LCP1: variants seen among roughly 807,000 people sequenced by gnomAD.
The protein encoded by LCP1 is plastin-2.
Under a neutral mutation model 72.0 loss-of-function variants are expected in LCP1, and 23 were observed. The observed-to-expected ratio is 0.32, with a 90% CI of 0.23 to 0.45. The LOEUF is 0.45. Ranked by LOEUF, LCP1 falls within the 20% of genes least tolerant of loss-of-function variation. The pLI is 1.00. For missense variants in LCP1, 571 were observed against 748.3 expected (o/e 0.76, Z 2.76); for synonymous variants, 245 against 275.4 (o/e 0.89, Z 1.09).
chr13:46,170,852 G>A lies in LCP1; in HGVS notation c.-24-11166C>T, dbSNP rs181149934. Among the ~76,000 whole-genome samples the A allele has an allele frequency of 2.2e-3, 339 of 152,242 alleles. 1 individual carries two copies. The highest frequency in any genetic ancestry group is 7.1e-3 in the African/African-American group (296 of 41,554). Reference sequence around the variant, plus strand: ...AGAGACACAGTAACTAGAATACAGCGAAACTTTTTAGATCCACAGGAAGAG... The same window carrying A: ...AGAGACACAGTAACTAGAATACAGCAAAACTTTTTAGATCCACAGGAAGAG... On this transcript the variant is annotated intron_variant, in intron 1 of 15. Coordinates refer to ENST00000323076, the MANE Select transcript of LCP1 (RefSeq NM_002298.5).
chr13:46,164,842 T>A (rs2045867573), intron 1 of LCP1, among the ~76,000 whole-genome samples: 1 of 152,178 alleles, frequency 6.6e-6, no homozygotes, highest in African/African-American at 2.4e-5. Context: ...TGAGAAGAAA[T>A]GTTTTATCCA....
intron 1 of LCP1, among the ~76,000 whole-genome samples, chr13:46,163,573 A>G (rs2045858765): frequency 1.3e-5 from 2 of 149,850 alleles, no homozygotes; most frequent in South Asian, 4.2e-4. Context: ...CCTTCCCTCC[A>G]CTATTGTCCT....
At chr13:46,176,992 CT>C (rs1238599173) in intron 1 of LCP1, among the ~76,000 whole-genome samples, 1 of 152,112 alleles carries the variant, frequency 6.6e-6, no homozygotes, top group Non-Finnish European at 1.5e-5. Flanking sequence ...AACCACAGAA[CT>C]GTGGGTTTGC....
chr13:46,136,359 G>C (rs1373777916), intron 13 of LCP1, among the ~76,000 whole-genome samples: 2 of 152,124 alleles, frequency 1.3e-5, no homozygotes, highest in Non-Finnish European at 2.9e-5. Flanking sequence ...GATGGCATTG[G>C]TATCCACCGT....
intron 2 of LCP1, 171 bp from the exon 3 acceptor site, chr13:46,159,160 TA>T: frequency 1.6e-6 from 1 of 619,284 alleles, no homozygotes; most frequent in Non-Finnish European, 2.8e-6. Flanking sequence ...TGCTACTGAA[TA>T]GGGGCACCAG....
At chr13:46,176,833 G>A (rs2045932935) in intron 1 of LCP1, among the ~76,000 whole-genome samples, 1 of 151,954 alleles carries the variant, frequency 6.6e-6, no homozygotes, top group South Asian at 2.1e-4. Flanking sequence ...GAAGGAGTGT[G>A]TGAGTGAGTG....
Position 46,159,556 on chromosome 13 carries a change from T to C in LCP1, c.64+43A>G, listed in dbSNP as rs1252549349. 2.0e-6 allele frequency: 3 copies of C among 1,499,768 alleles called. No homozygotes were observed. The Admixed American group carries it at 5.0e-5, about 25-fold the overall frequency. 92.9% of individuals were successfully genotyped at this position (1,499,768 alleles called of 1,614,324 possible). A position where few individuals can be genotyped will look rare whatever the true frequency, so the allele number is the denominator to read the frequency against. On this transcript the variant is annotated intron_variant, in intron 2 of 15. Transcript: ENST00000323076. The stretch of plus-strand genomic sequence containing the variant: ...TTGAATCTACCCTGAAGCTACTCAG[T>C]GAAGAAGAGAATGATGCAATTTGGG...
chr13:46,155,601 C>G (rs1463562917), intron 5 of LCP1, among the ~76,000 whole-genome samples: 1 of 152,170 alleles, frequency 6.6e-6, no homozygotes, highest in Non-Finnish European at 1.5e-5. Context: ...CATTGTTATC[C>G]TTTAAGTCCT....
intron 2 of LCP1, 40 bp from the exon 3 acceptor site, chr13:46,159,029 A>T (rs763483746): frequency 1.2e-6 from 2 of 1,601,850 alleles, no homozygotes; most frequent in Non-Finnish European, 1.7e-6. Flanking sequence ...AGGACGATTC[A>T]GGCAACAGCT....
chr13:46,140,733 G>T (rs994301377), intron 13 of LCP1, among the ~76,000 whole-genome samples: 3 of 151,936 alleles, frequency 2.0e-5, no homozygotes, highest in African/African-American at 2.4e-5. Context: ...TGTTCAAGAA[G>T]GTAAAGGAAA....
chr13:46,131,646 C>A (rs1166993721), intron 14 of LCP1, among the ~76,000 whole-genome samples: 1 of 152,054 alleles, frequency 6.6e-6, no homozygotes, highest in African/African-American at 2.4e-5. Flanking sequence ...AAATGTGGTA[C>A]ATATACACCA....
At chr13:46,159,797 C>A in intron 1 of LCP1, 111 bp from the exon 2 acceptor site, 1 of 667,624 alleles carries the variant, frequency 1.5e-6, no homozygotes, top group South Asian at 1.8e-5. Context: ...TCTGCATCCC[C>A]CATGATTTAG....
intron 13 of LCP1, 144 bp from the exon 14 acceptor site, chr13:46,134,394 A>G: frequency 1.5e-6 from 1 of 659,884 alleles, no homozygotes; most frequent in Non-Finnish European, 2.5e-6. Flanking sequence ...AAAAAAGAAC[A>G]TATTACAACA....
chr13:46,163,612 A>G (rs1487644037), intron 1 of LCP1, among the ~76,000 whole-genome samples: 1 of 151,090 alleles, frequency 6.6e-6, no homozygotes, highest in African/African-American at 2.5e-5. Flanking sequence ...CCTCTGCGAG[A>G]AACACCCAAG....
At chr13:46,181,256 T>C (rs1344934770) in intron 1 of LCP1, among the ~76,000 whole-genome samples, 1 of 152,252 alleles carries the variant, frequency 6.6e-6, no homozygotes, top group Non-Finnish European at 1.5e-5. Context: ...TCAATGGTTC[T>C]TAGTGTTATG....
chr13:46,151,699 G>A (rs2045765302), intron 7 of LCP1, among the ~76,000 whole-genome samples: 1 of 152,052 alleles, frequency 6.6e-6, no homozygotes, highest in Non-Finnish European at 1.5e-5. Flanking sequence ...TTTATATTAT[G>A]TTTAATACAT....
At chr13:46,144,703 T>A (rs1266991774) in intron 10 of LCP1, among the ~76,000 whole-genome samples, 183 bp from the exon 11 acceptor site, 1 of 152,254 alleles carries the variant, frequency 6.6e-6, no homozygotes, top group African/African-American at 2.4e-5. Flanking sequence ...TCCATTTCAA[T>A]TCCGCATGTA....
chr13:46,146,517 C>A (rs1333230397), intron 10 of LCP1, among the ~76,000 whole-genome samples: 1 of 152,100 alleles, frequency 6.6e-6, no homozygotes, highest in Non-Finnish European at 1.5e-5. Flanking sequence ...TAAGCATATC[C>A]CAGCATACCT....
chr13:46,138,200 A>C (rs961920181), intron 13 of LCP1, among the ~76,000 whole-genome samples: 2 of 152,006 alleles, frequency 1.3e-5, no homozygotes, highest in African/African-American at 4.8e-5. Context: ...GTTTAAGTAC[A>C]TATCTCTCAT....
Sources: allele counts gnomAD v4.1 joint callset (sites outside exome capture counted in the v4.1 genomes callset), GRCh38; gene constraint gnomAD v4.1.1; transcripts MANE v1.5; gene names NCBI Gene and HGNC (gene_info 2026-07-23, HGNC 2026-07-21).